Variants in SOX5 observed in about 807,000 individuals in gnomAD.
SOX5 encodes the protein transcription factor SOX-5.
In SOX5, 9 loss-of-function variants were observed where a neutral mutation model predicts 92.0. The observed-to-expected ratio is 0.10, with a 90% CI of 0.06 to 0.17. The LOEUF (loss-of-function observed/expected upper bound fraction) is 0.17, where lower values mean the gene tolerates loss of function less well. SOX5 is among the 10% of genes least tolerant of loss of function. The pLI is 1.00. For synonymous variants in SOX5, 344 were observed against 336.3 expected (o/e 1.02, Z -0.25); for missense variants, 642 against 944.5 (o/e 0.68, Z 4.20).
At chr12:23,892,783 T>C (rs2097141248) in intron 2 of SOX5, among the ~76,000 whole-genome samples, 1 of 152,240 alleles carries the variant, frequency 6.6e-6, no homozygotes, top group South Asian at 2.1e-4. Context: ...ACTTCTAGAA[T>C]AACGGATCTT....
chr12:23,637,242 C>T (rs1383351451), intron 8 of SOX5, among the ~76,000 whole-genome samples: 1 of 152,224 alleles, frequency 6.6e-6, no homozygotes, highest in African/African-American at 2.4e-5. Context: ...GGTCTTCCTA[C>T]TGTTACCTCA....
At chr12:24,100,887 A>G (rs1946014175) in intron 4 of SOX5, among the ~76,000 whole-genome samples, 1 of 152,036 alleles carries the variant, frequency 6.6e-6, no homozygotes, top group Non-Finnish European at 1.5e-5. Context: ...CTTACATCCC[A>G]TCTGCTTCAT....
intron 2 of SOX5, among the ~76,000 whole-genome samples, chr12:23,877,106 C>T (rs1355857007): frequency 6.6e-6 from 1 of 152,012 alleles, no homozygotes; most frequent in Admixed American, 6.6e-5. Flanking sequence ...CAAACCTGCA[C>T]GTTCTGCACA....
At chr12:23,736,389 G>A (rs1466463327) in intron 5 of SOX5, among the ~76,000 whole-genome samples, 1 of 152,080 alleles carries the variant, frequency 6.6e-6, no homozygotes, top group Non-Finnish European at 1.5e-5. Context: ...GTGAACCTGG[G>A]AAGTGGAGCT....
At position 24,473,032 on chromosome 12, in the gene SOX5, T is replaced by C. The variant is rs537024102; in HGVS notation, c.-251+89297A>G. Among the ~76,000 whole-genome samples the C allele has an allele frequency of 2.2e-4, 34 of 152,298 alleles. No homozygotes were observed. In the East Asian group the frequency reaches 5.8e-3, roughly 26 times the overall value. On this transcript the variant is annotated intron_variant, in intron 1 of 4. Coordinates refer to the SOX5 transcript ENST00000446891. ...CAAATAATTTTTCCCCTTTGGTTAT[T>C]TGTAGTACATTGACTACTCAAAAAC...
chr12:23,778,042 T>C (rs1018755517), intron 3 of SOX5, among the ~76,000 whole-genome samples: 2 of 152,182 alleles, frequency 1.3e-5, no homozygotes, highest in African/African-American at 4.8e-5. Context: ...CATGTTGCAG[T>C]GGTTTGATGG....
chr12:24,081,883 G>A (rs534578812), intron 4 of SOX5, among the ~76,000 whole-genome samples: 1 of 151,928 alleles, frequency 6.6e-6, no homozygotes, highest in Non-Finnish European at 1.5e-5. Flanking sequence ...CAAACTCAGA[G>A]GACAATGGAA....
chr12:24,469,978 G>C (rs1944632196), intron 1 of SOX5, among the ~76,000 whole-genome samples: 1 of 152,058 alleles, frequency 6.6e-6, no homozygotes, highest in African/African-American at 2.4e-5. Flanking sequence ...AACAAAAAAA[G>C]AAAGACCAGT....
chr12:23,947,069 T>C (rs1944709178), intron 1 of SOX5, among the ~76,000 whole-genome samples: 1 of 151,906 alleles, frequency 6.6e-6, no homozygotes, highest in South Asian at 2.1e-4. Flanking sequence ...TTCCTTAAAG[T>C]TCAAATAGTC....
At chr12:23,766,005 G>A (rs1050961430) in intron 3 of SOX5, among the ~76,000 whole-genome samples, 1 of 152,110 alleles carries the variant, frequency 6.6e-6, no homozygotes, top group Non-Finnish European at 1.5e-5. Context: ...TAGTGTCACT[G>A]AGTTGTTTTC....
At chr12:23,736,543 C>A (rs772316103) in intron 5 of SOX5, among the ~76,000 whole-genome samples, 4 of 152,022 alleles carry the variant, frequency 2.6e-5, no homozygotes, top group Non-Finnish European at 4.4e-5. Flanking sequence ...TCACCATAAA[C>A]AAAAGAACCC....
chr12:24,490,450 T>G (rs1229436176), intron 1 of SOX5, among the ~76,000 whole-genome samples: 4 of 152,224 alleles, frequency 2.6e-5, no homozygotes, highest in Non-Finnish European at 5.9e-5. Context: ...AGGCTGTTAC[T>G]CTTTTTTACA....
chr12:24,257,956 C>T lies in SOX5; in HGVS notation c.-77+19260G>A, dbSNP rs191811912. On this transcript the variant is annotated intron_variant, in intron 3 of 4. Coordinates refer to the SOX5 transcript ENST00000446891. ...TTGGGAGGCCGAGGCAAGTGGATCA[C>T]GAGGTCAGGAGATCAAGACCATCCT... 6.4e-3 allele frequency among the ~76,000 whole-genome samples: 970 copies of T among 151,942 alleles called. 12 individuals carry two copies. Among genetic ancestry groups the T allele is most frequent in the African/African-American group, 0.023 (947 of 41,454 alleles).
In SOX5 at chr12:23,941,602, T is replaced by A. The variant is rs367557369; in HGVS notation, c.38+7962A>T. 6.1e-4 allele frequency among the ~76,000 whole-genome samples: 92 copies of A among 151,646 alleles called. 1 individual carries two copies. The South Asian group carries it at 0.018, about 30-fold the overall frequency. ...ATCTTTCTTTTACCATTCCTAGGTGTTCTGCCTGACTATTGGTACTTTGTA... is the reference window on the plus strand; with the variant it reads ...ATCTTTCTTTTACCATTCCTAGGTGATCTGCCTGACTATTGGTACTTTGTA... On this transcript the variant is annotated intron_variant, in intron 1 of 14. Transcript: ENST00000451604.
Position 23,575,811 on chromosome 12 carries a change from A to T in SOX5, c.1192T>A (p.Ser398Thr). 1 of 1,596,932 alleles carries T rather than the reference A, an allele frequency of 6.3e-7. No individual in the cohort carries two copies. The highest frequency in any genetic ancestry group is 2.2e-5 in the East Asian group (1 of 44,536). ...CCATCAGAGGTCTTGGGTTTAGCTG[A>T]TAGGTTCAGTGGCTGTGCCACTTCA... ...KDEVAQPLNL[S>T]AKPKTSDGKS... is the part of the protein sequence containing the mutation. Residue 398 changes from serine to threonine, a missense_variant, in exon 10 of 15, where the codon TCA becomes ACA. Physicochemically the swap from Ser to Thr is moderately conservative, Grantham distance 58. This residue lies in a region of SOX5 where 324 missense variants were observed against 461.6 expected (regional missense o/e 0.70). Transcript: ENST00000451604.
At chr12:24,498,214 T>TA (rs545118262) in intron 1 of SOX5, among the ~76,000 whole-genome samples, 3,435 of 143,008 alleles carry the variant, frequency 0.024, 127 homozygotes, top group African/African-American at 0.082. Context: ...ACTTAAAATG[T>TA]AAAAAAAAAA....
chr12:23,812,506 A>G (rs1290992363), intron 3 of SOX5, among the ~76,000 whole-genome samples: 1 of 152,168 alleles, frequency 6.6e-6, no homozygotes, highest in Non-Finnish European at 1.5e-5. Context: ...TATACTTTAA[A>G]GGACAATCTG....
At chr12:24,551,115 C>T (rs778012968) in intron 1 of SOX5, among the ~76,000 whole-genome samples, 7 of 152,184 alleles carry the variant, frequency 4.6e-5, no homozygotes, top group Non-Finnish European at 1.0e-4. Flanking sequence ...ATCTCTGGAT[C>T]GCATGTCACT....
chr12:23,552,763 T>A (rs1040893485), intron 11 of SOX5, among the ~76,000 whole-genome samples: 2 of 151,948 alleles, frequency 1.3e-5, no homozygotes, highest in African/African-American at 4.8e-5. Flanking sequence ...TCCACCTTCC[T>A]AGAGATTTTC....
Sources: allele counts gnomAD v4.1 joint callset (sites outside exome capture counted in the v4.1 genomes callset), GRCh38; gene constraint gnomAD v4.1.1; regional missense constraint gnomAD v4.1.1; transcripts MANE v1.5; gene names NCBI Gene and HGNC (gene_info 2026-07-23, HGNC 2026-07-21).